Variants in RIMS2 observed in about 807,000 individuals in gnomAD.
RIMS2 encodes regulating synaptic membrane exocytosis protein 2.
Under a neutral mutation model 174.4 loss-of-function variants are expected in RIMS2, and 59 were observed. That is an observed-to-expected ratio of 0.34 (90% CI 0.27 to 0.42). The LOEUF (loss-of-function observed/expected upper bound fraction) is 0.42, where lower values mean the gene tolerates loss of function less well. Ranked by LOEUF, RIMS2 falls within the 10% of genes least tolerant of loss-of-function variation. The pLI, the probability that RIMS2 is intolerant of heterozygous loss-of-function variation, is 1.00. For missense variants in RIMS2, 1,620 were observed against 1,666.3 expected (o/e 0.97, Z 0.48); for synonymous variants, 606 against 572.5 (o/e 1.06, Z -0.84).
At chr8:103,821,613 T>C (rs913336940) in intron 3 of RIMS2, among the ~76,000 whole-genome samples, 2 of 151,756 alleles carry the variant, frequency 1.3e-5, no homozygotes, top group Admixed American at 1.3e-4. Context: ...AATAAGTATA[T>C]GAATTTTATG....
intron 2 of RIMS2, among the ~76,000 whole-genome samples, chr8:103,742,906 C>T (rs904240234): frequency 1.3e-5 from 2 of 152,092 alleles, no homozygotes; most frequent in Non-Finnish European, 2.9e-5. Flanking sequence ...CTTCTTAATG[C>T]TTTATGAATT....
intron 19 of RIMS2, among the ~76,000 whole-genome samples, chr8:104,161,272 G>C (rs560642830): frequency 6.6e-6 from 1 of 152,204 alleles, no homozygotes; most frequent in South Asian, 2.1e-4. Context: ...TTGAAGTATG[G>C]ATAATGTTTA....
chr8:104,173,644 T>TTTTC, intron 19 of RIMS2, among the ~76,000 whole-genome samples: 1 of 115,730 alleles, frequency 8.6e-6, no homozygotes, highest in Non-Finnish European at 1.7e-5. Context: ...TTTTTTTTTT[T>TTTTC]TTGAGATGGA....
exon 4 of RIMS2, chr8:103,886,112 G>T: frequency 6.2e-7 from 1 of 1,612,970 alleles, no homozygotes; most frequent in Non-Finnish European, 8.5e-7. Context: ...AAAGAAAGGC[G>T]GTAAAATGCG....
At chr8:104,137,904 G>T (rs536239933) in intron 19 of RIMS2, among the ~76,000 whole-genome samples, 2 of 151,586 alleles carry the variant, frequency 1.3e-5, no homozygotes, top group East Asian at 3.9e-4. Context: ...ATATTTTTGT[G>T]CCCATTAATC....
intron 19 of RIMS2, among the ~76,000 whole-genome samples, chr8:104,136,632 A>G (rs1015579513): frequency 5.3e-5 from 8 of 152,184 alleles, no homozygotes; most frequent in African/African-American, 1.2e-4. Context: ...AATGAATTCA[A>G]TCATGTCCTT....
intron 19 of RIMS2, among the ~76,000 whole-genome samples, chr8:104,201,662 A>T (rs946883020): frequency 2.0e-5 from 3 of 152,184 alleles, no homozygotes; most frequent in African/African-American, 7.2e-5. Flanking sequence ...AAATGATGAA[A>T]TGAGAAACAT....
At chr8:103,552,141 C>T (rs1848246503) in intron 1 of RIMS2, among the ~76,000 whole-genome samples, 1 of 151,992 alleles carries the variant, frequency 6.6e-6, no homozygotes, top group Non-Finnish European at 1.5e-5. Flanking sequence ...TCCATATTGG[C>T]AAGAATATCC....
intron 4 of RIMS2, among the ~76,000 whole-genome samples, chr8:103,888,610 C>A (rs1015664239): frequency 2.0e-5 from 3 of 151,686 alleles, no homozygotes; most frequent in Middle Eastern, 3.4e-3. Context: ...ATGTAAAAAA[C>A]TCAGAAATGT....
chr8:104,203,101 C>G (rs529609792), intron 19 of RIMS2, among the ~76,000 whole-genome samples: 5 of 152,142 alleles, frequency 3.3e-5, no homozygotes, highest in African/African-American at 9.6e-5. Flanking sequence ...TTCCTCCCAG[C>G]CCCGCAAATA....
At chr8:104,068,005 A>G (rs2097134383) in intron 19 of RIMS2, among the ~76,000 whole-genome samples, 1 of 152,232 alleles carries the variant, frequency 6.6e-6, no homozygotes, top group African/African-American at 2.4e-5. Context: ...TTCAAATTCA[A>G]AAGTTTCTGA....
intron 2 of RIMS2, among the ~76,000 whole-genome samples, chr8:103,714,229 G>A (rs2097342245): frequency 6.6e-6 from 1 of 152,120 alleles, no homozygotes; most frequent in Non-Finnish European, 1.5e-5. Context: ...TACTTACTAT[G>A]GGCATGTTAT....
At chr8:103,902,976 T>C (rs114884644) in intron 4 of RIMS2, among the ~76,000 whole-genome samples, 357 of 152,124 alleles carry the variant, frequency 2.3e-3, no homozygotes, top group African/African-American at 8.3e-3. Flanking sequence ...CATGTATAAC[T>C]TGACAAGTTG....
chr8:103,640,077 T>C (rs1463580940), intron 1 of RIMS2, among the ~76,000 whole-genome samples: 1 of 151,910 alleles, frequency 6.6e-6, no homozygotes, highest in Non-Finnish European at 1.5e-5. Context: ...TTATGTATGA[T>C]TCAATTTTTA....
intron 2 of RIMS2, among the ~76,000 whole-genome samples, chr8:103,740,740 G>A (rs976860894): frequency 6.6e-6 from 1 of 152,082 alleles, no homozygotes; most frequent in African/African-American, 2.4e-5. Context: ...ACCTTTTACA[G>A]TAAAACTGTT....
At chr8:104,025,708 T>TACACACAC (rs34638633) in intron 19 of RIMS2, among the ~76,000 whole-genome samples, 18,948 of 149,250 alleles carry the variant, frequency 0.13, 1,532 homozygotes, top group Non-Finnish European at 0.19. Flanking sequence ...GTTAAACGTA[T>TACACACAC]ACACACACAC....
intron 1 of RIMS2, among the ~76,000 whole-genome samples, chr8:103,672,112 A>G (rs989343742): frequency 6.6e-6 from 1 of 152,186 alleles, no homozygotes; most frequent in Non-Finnish European, 1.5e-5. Context: ...AAAAGGTTTT[A>G]AAAAGCAAAA....
At chr8:103,914,780 G>T (rs970171795) in intron 6 of RIMS2, among the ~76,000 whole-genome samples, 1 of 152,092 alleles carries the variant, frequency 6.6e-6, no homozygotes, top group Admixed American at 6.5e-5. Flanking sequence ...CCATCAAATT[G>T]AGATATTGAC....
chr8:104,215,491 GT>G (rs1188422020), intron 19 of RIMS2, among the ~76,000 whole-genome samples: 1 of 152,174 alleles, frequency 6.6e-6, no homozygotes, highest in African/African-American at 2.4e-5. Flanking sequence ...ATTGCATAAA[GT>G]TATTGACATT....
Sources: allele counts gnomAD v4.1 joint callset (sites outside exome capture counted in the v4.1 genomes callset), GRCh38; gene constraint gnomAD v4.1.1; transcripts MANE v1.5; gene names NCBI Gene and HGNC (gene_info 2026-07-23, HGNC 2026-07-21).